The following FGF12 variants were observed in gnomAD, a reference collection of about 807,000 sequenced individuals.
The protein encoded by FGF12 is fibroblast growth factor 12.
Under a neutral mutation model 23.6 loss-of-function variants are expected in FGF12, and 14 were observed. That is an observed-to-expected ratio of 0.59 (90% CI 0.39 to 0.93). FGF12 has a LOEUF of 0.93. FGF12 is among the 40% of genes least tolerant of loss of function. FGF12 has a pLI of 0.00. For synonymous variants in FGF12, 62 were observed against 77.3 expected, an observed-to-expected ratio of 0.80 and a Z score of 1.04; for missense variants, 175 against 217.8, an observed-to-expected ratio of 0.80 and a Z score of 1.24.
chr3:192,533,870 G>C (rs1042210956), intron 2 of FGF12: 5 of 152,222 alleles, frequency 3.3e-5, no homozygotes, highest in African/African-American at 1.2e-4. Flanking sequence ...TTCCTCAAAA[G>C]AATATAAAAA....
intron 2 of FGF12, among the ~76,000 whole-genome samples, chr3:192,541,158 C>T (rs1377980346): frequency 6.6e-6 from 1 of 152,036 alleles, no homozygotes; most frequent in African/African-American, 2.4e-5. Context: ...CTTACCCCTG[C>T]CATTTTGTTA....
chr3:192,453,587 C>A (rs1344479566), intron 2 of FGF12, among the ~76,000 whole-genome samples: 1 of 152,146 alleles, frequency 6.6e-6, no homozygotes. Context: ...CACTTTAATT[C>A]TTTAAGGTAT....
At chr3:192,618,297 C>T (rs1417785849) in intron 2 of FGF12, among the ~76,000 whole-genome samples, 1 of 151,644 alleles carries the variant, frequency 6.6e-6, no homozygotes, top group African/African-American at 2.4e-5. Context: ...CCAGAGAATG[C>T]TACTGCTGAT....
At chr3:192,554,613 A>G (rs1560148758) in intron 2 of FGF12, among the ~76,000 whole-genome samples, 1 of 152,160 alleles carries the variant, frequency 6.6e-6, no homozygotes, top group African/African-American at 2.4e-5. Flanking sequence ...ATATATGGCT[A>G]TTTTTTCAAA....
intron 2 of FGF12, among the ~76,000 whole-genome samples, chr3:192,649,232 C>T (rs1716121587): frequency 2.6e-5 from 4 of 152,146 alleles, no homozygotes; most frequent in Admixed American, 2.6e-4. Context: ...CCTTATCCAA[C>T]AGTAGAGGAT....
chr3:192,668,599 T>G (rs1716985690), intron 2 of FGF12, among the ~76,000 whole-genome samples: 1 of 152,154 alleles, frequency 6.6e-6, no homozygotes, highest in African/African-American at 2.4e-5. Context: ...GGTACACAGA[T>G]GCAGGACCTG....
chr3:192,596,918 G>C (rs1713881582), intron 2 of FGF12, among the ~76,000 whole-genome samples: 1 of 152,178 alleles, frequency 6.6e-6, no homozygotes, highest in South Asian at 2.1e-4. Context: ...ATAGTGTGTA[G>C]AAAGTGGATA....
chr3:192,388,333 G>A (rs115385876), intron 2 of FGF12, among the ~76,000 whole-genome samples: 1 of 152,004 alleles, frequency 6.6e-6, no homozygotes, highest in Non-Finnish European at 1.5e-5. Flanking sequence ...AATCCAAATC[G>A]TTATAATACA....
intron 2 of FGF12, among the ~76,000 whole-genome samples, chr3:192,402,939 A>C (rs1014972296): frequency 2.0e-5 from 3 of 152,164 alleles, no homozygotes; most frequent in Non-Finnish European, 4.4e-5. Context: ...GATAAAATTG[A>C]AAATATAGCA....
chr3:192,395,613 C>A (rs1288021490), intron 2 of FGF12, among the ~76,000 whole-genome samples: 1 of 152,210 alleles, frequency 6.6e-6, no homozygotes, highest in East Asian at 1.9e-4. Flanking sequence ...TGACAGGGCG[C>A]TTGCCCTCCA....
intron 2 of FGF12, among the ~76,000 whole-genome samples, chr3:192,680,456 G>A (rs1186350747): frequency 6.6e-6 from 1 of 152,164 alleles, no homozygotes; most frequent in Admixed American, 6.5e-5. Context: ...GGTGGTAGTG[G>A]GGGGAGGTTA....
intron 2 of FGF12, among the ~76,000 whole-genome samples, chr3:192,625,004 A>G (rs1396598908): frequency 6.6e-6 from 1 of 152,144 alleles, no homozygotes; most frequent in African/African-American, 2.4e-5. Flanking sequence ...AGCTTGGGAA[A>G]TAGTCCATAT....
chr3:192,631,867 T>C (rs1715402311), intron 2 of FGF12, among the ~76,000 whole-genome samples: 1 of 152,220 alleles, frequency 6.6e-6, no homozygotes, highest in Non-Finnish European at 1.5e-5. Flanking sequence ...GCCTGGGGTC[T>C]TCACATGCTA....
intron 4 of FGF12, among the ~76,000 whole-genome samples, chr3:192,229,147 G>C (rs992465015): frequency 2.0e-5 from 3 of 151,184 alleles, no homozygotes; most frequent in African/African-American, 7.3e-5. Flanking sequence ...AAATTTTATG[G>C]ATCTAAGTGA....
At chr3:192,271,017 G>A (rs766053504) in intron 4 of FGF12, among the ~76,000 whole-genome samples, 1 of 152,150 alleles carries the variant, frequency 6.6e-6, no homozygotes, top group Non-Finnish European at 1.5e-5. Context: ...ATTCCCTGCA[G>A]TAAGGATGGT....
At chr3:192,604,496 T>C (rs576967643) in intron 2 of FGF12, among the ~76,000 whole-genome samples, 67 of 152,208 alleles carry the variant, frequency 4.4e-4, no homozygotes, top group African/African-American at 1.6e-3. Context: ...ATGCATCCAA[T>C]CAAGGAACTG....
intron 3 of FGF12, among the ~76,000 whole-genome samples, chr3:192,346,758 T>G (rs1038163177): frequency 6.6e-6 from 1 of 152,152 alleles, no homozygotes; most frequent in Non-Finnish European, 1.5e-5. Context: ...CAGGCAACAA[T>G]GAATGTTGTG....
chr3:192,491,569 A>C (rs555791836), intron 2 of FGF12, among the ~76,000 whole-genome samples: 19 of 152,222 alleles, frequency 1.2e-4, no homozygotes, highest in African/African-American at 4.6e-4. Flanking sequence ...AGGCAACTTT[A>C]CCTCTTAGAT....
chr3:192,381,182 G>C (rs1217614265), intron 2 of FGF12, among the ~76,000 whole-genome samples: 2 of 152,000 alleles, frequency 1.3e-5, no homozygotes, highest in Non-Finnish European at 2.9e-5. Flanking sequence ...TAGGTGGTTG[G>C]ACATCTTGAC....
Sources: gnomAD v4.1 joint callset for allele counts (sites outside exome capture counted in the v4.1 genomes callset) on GRCh38, gnomAD v4.1.1 for gene constraint, MANE v1.5 for transcripts, NCBI Gene and HGNC (gene_info 2026-07-23, HGNC 2026-07-21) for gene names.